The following CUX2 variants were observed in gnomAD, a reference collection of about 807,000 sequenced individuals.
CUX2 encodes the protein homeobox protein cut-like 2.
In CUX2, 40 loss-of-function variants were observed where a neutral mutation model predicts 144.8. The observed-to-expected ratio is 0.28, with a 90% confidence interval of 0.21 to 0.36. The LOEUF (loss-of-function observed/expected upper bound fraction) is 0.36. Ranked by LOEUF, CUX2 falls within the 10% of genes least tolerant of loss-of-function variation. The pLI is 1.00. For missense variants in CUX2, 1,615 were observed against 1,994.0 expected (o/e 0.81, Z 3.62); for synonymous variants, 827 against 875.6 (o/e 0.94, Z 0.98).
chr12:111,058,557 G>A (rs907354806), intron 1 of CUX2, among the ~76,000 whole-genome samples: 1 of 152,028 alleles, frequency 6.6e-6, no homozygotes, highest in African/African-American at 2.4e-5. Context: ...GACAGAGAGA[G>A]AGAGAGAGAG....
intron 18 of CUX2, among the ~76,000 whole-genome samples, chr12:111,324,581 A>G (rs1887687424): frequency 6.6e-6 from 1 of 150,934 alleles, no homozygotes; most frequent in African/African-American, 2.4e-5. Context: ...GCTCACTGCA[A>G]CCTCTGCCTC....
At chr12:111,087,686 G>C (rs1872319839) in intron 1 of CUX2, among the ~76,000 whole-genome samples, 1 of 152,198 alleles carries the variant, frequency 6.6e-6, no homozygotes, top group Non-Finnish European at 1.5e-5. Flanking sequence ...GGCTTTGTCT[G>C]CCTTTGTGTG....
rs1442329524 is a variant in CUX2, at chr12:111,035,885, G to A, written c.63+1645G>A. ...TTGGTGGCCAACTGAGACGGGCAGG[G>A]CTGCGAGCTGTGCCTGCCGGCTTAA... On this transcript the variant is annotated intron_variant, in intron 1 of 21. Coordinates refer to ENST00000261726, the MANE Select transcript of CUX2 (RefSeq NM_015267.4). This position sits in a 1 kb window ranked among gnomAD's most constrained non-coding sequence, Gnocchi z 6.0. Among the ~76,000 whole-genome samples the A allele has an allele frequency of 6.6e-6, 1 of 152,164 alleles. No individual in the cohort carries two copies.
At chr12:111,103,371 G>C (rs1230793428) in intron 1 of CUX2, among the ~76,000 whole-genome samples, 1 of 152,222 alleles carries the variant, frequency 6.6e-6, no homozygotes, top group Non-Finnish European at 1.5e-5. Context: ...AACTGAGTGT[G>C]ATGGCCAGAG....
At chr12:111,221,533 T>C (rs531135907) in intron 3 of CUX2, among the ~76,000 whole-genome samples, 1 of 152,248 alleles carries the variant, frequency 6.6e-6, no homozygotes, top group East Asian at 1.9e-4. Context: ...GCAAATACCA[T>C]CCCAAGTCAC....
At chr12:111,200,385 T>G (rs1880506609) in intron 1 of CUX2, among the ~76,000 whole-genome samples, 1 of 151,938 alleles carries the variant, frequency 6.6e-6, no homozygotes, top group African/African-American at 2.4e-5. Context: ...TTAGGTTGTG[T>G]TTTTCTTTCC....
intron 1 of CUX2, among the ~76,000 whole-genome samples, chr12:111,199,566 A>G (rs1346193301): frequency 6.6e-6 from 1 of 152,140 alleles, no homozygotes; most frequent in Non-Finnish European, 1.5e-5. Context: ...AACAAAGGGA[A>G]TGAGATGGGT....
intron 1 of CUX2, among the ~76,000 whole-genome samples, chr12:111,206,210 T>A (rs1217643234): frequency 6.6e-6 from 1 of 152,154 alleles, no homozygotes; most frequent in Non-Finnish European, 1.5e-5. Context: ...TTTGCACCCA[T>A]GGTCCCAGCT....
intron 21 of CUX2, among the ~76,000 whole-genome samples, chr12:111,343,121 A>C (rs907201792): frequency 6.6e-6 from 1 of 151,748 alleles, no homozygotes; most frequent in African/African-American, 2.4e-5. Context: ...AACCCTGACT[A>C]TTCATTGAGC....
rs138141647 is a variant in CUX2 at position 111,332,500 on chromosome 12, C to T, written c.2927-1941C>T. ...TTCATTACATTTTCTTTCATTGCCTCGGAAGAGCCCACTGCAGGGATCCCC... is the reference window on the plus strand; with the variant it reads ...TTCATTACATTTTCTTTCATTGCCTTGGAAGAGCCCACTGCAGGGATCCCC... On this transcript the variant is annotated intron_variant, in intron 18 of 21. Transcript: ENST00000261726. 1.1e-3 allele frequency among the ~76,000 whole-genome samples: 160 copies of T among 152,194 alleles called. 1 individual carries two copies. The highest frequency in any genetic ancestry group is 1.0e-2 in the Admixed American group (152 of 15,270).
At chr12:111,095,403 G>C (rs1372159395) in intron 1 of CUX2, among the ~76,000 whole-genome samples, 1 of 152,138 alleles carries the variant, frequency 6.6e-6, no homozygotes, top group Non-Finnish European at 1.5e-5. Context: ...AGGCTGCAGT[G>C]AGCTGTGATT....
Position 111,211,888 on chromosome 12 carries a change from A to G in CUX2, c.64-2312A>G, listed in dbSNP as rs540873146. Among the ~76,000 whole-genome samples, 743 of 142,850 alleles carry G rather than the reference A, an allele frequency of 5.2e-3. 11 individuals are homozygous for G. The highest frequency in any genetic ancestry group is 0.019 in the African/African-American group (692 of 36,402). 93.7% of individuals were successfully genotyped at this position (142,850 alleles called of 152,430 possible). On this transcript the variant is annotated intron_variant, in intron 1 of 21. Coordinates refer to ENST00000261726, the MANE Select transcript of CUX2 (RefSeq NM_015267.4). ...GGCGACAGAGTGAGACTCCGTCTCAAAAAAAAAAAAAAAAGTGTCAGACAC... is the reference window on the plus strand; with the variant it reads ...GGCGACAGAGTGAGACTCCGTCTCAGAAAAAAAAAAAAAAGTGTCAGACAC...
intron 1 of CUX2, among the ~76,000 whole-genome samples, chr12:111,138,598 C>A (rs1387548694): frequency 1.3e-5 from 2 of 152,120 alleles, no homozygotes; most frequent in Admixed American, 6.5e-5. Flanking sequence ...TTAAGAATCC[C>A]CCATCCCTAC....
At chr12:111,110,891 C>G (rs1873900155) in intron 1 of CUX2, among the ~76,000 whole-genome samples, 1 of 152,164 alleles carries the variant, frequency 6.6e-6, no homozygotes, top group Admixed American at 6.5e-5. Flanking sequence ...CCAAGTCCCT[C>G]TTGGATAAAG....
intron 3 of CUX2, among the ~76,000 whole-genome samples, chr12:111,231,241 A>G (rs948959758): frequency 6.6e-6 from 1 of 151,282 alleles, no homozygotes; most frequent in African/African-American, 2.4e-5. Context: ...CCACCATTCT[A>G]CCTTCTGTCC....
At chr12:111,285,186 G>C (rs1197245106) in intron 4 of CUX2, among the ~76,000 whole-genome samples, 1 of 152,140 alleles carries the variant, frequency 6.6e-6, no homozygotes, top group Non-Finnish European at 1.5e-5. Flanking sequence ...TATCCATCAG[G>C]GTTCTTTAGT....
intron 1 of CUX2, among the ~76,000 whole-genome samples, chr12:111,202,741 T>C (rs907530692): frequency 6.6e-6 from 1 of 151,860 alleles, no homozygotes; most frequent in Non-Finnish European, 1.5e-5. Flanking sequence ...ACTACATAAA[T>C]GTGTCAACGG....
chr12:111,067,115 C>T (rs1197956789), intron 1 of CUX2, among the ~76,000 whole-genome samples: 3 of 152,194 alleles, frequency 2.0e-5, no homozygotes, highest in Admixed American at 1.3e-4. Flanking sequence ...CAGCCCTGCA[C>T]CCCACCACTA....
intron 1 of CUX2, among the ~76,000 whole-genome samples, chr12:111,213,822 A>T (rs112572659): frequency 1.4e-3 from 218 of 152,038 alleles, no homozygotes; most frequent in Non-Finnish European, 2.8e-3. Flanking sequence ...TACTATTTTG[A>T]CATGGTCTGG....
Sources: allele counts gnomAD v4.1 joint callset (sites outside exome capture counted in the v4.1 genomes callset), GRCh38; gene constraint gnomAD v4.1.1; non-coding constraint Gnocchi (gnomAD v3.1); transcripts MANE v1.5; gene names NCBI Gene and HGNC (gene_info 2026-07-23, HGNC 2026-07-21).